Variants in SLC26A11 observed in about 807,000 individuals in gnomAD.
SLC26A11 encodes the protein solute carrier family 26 member 11, also known as sodium-independent sulfate anion transporter.
In SLC26A11, 58 loss-of-function variants were observed where a neutral mutation model predicts 62.2. The ratio of observed to expected loss-of-function variants is 0.93; its 90% CI spans 0.76 to 1.16. SLC26A11 has a LOEUF of 1.16. Among genes scored for constraint, SLC26A11 ranks in the 50% most tolerant of loss-of-function variants. The probability of loss-of-function intolerance (pLI) is 0.00; values close to 1 mark genes in which losing one functional copy is unlikely to be tolerated. For missense variants in SLC26A11, 790 were observed against 794.3 expected (o/e 0.99, Z 0.06); for synonymous variants, 411 against 368.9 (o/e 1.11, Z -1.31).
chr17:80,242,207 C>T (rs1029960400), intron 10 of SLC26A11, among the ~76,000 whole-genome samples: 1 of 152,208 alleles, frequency 6.6e-6, no homozygotes, highest in Non-Finnish European at 1.5e-5. Flanking sequence ...GAACTCCCGA[C>T]CTCAGGTGAT....
At chr17:80,249,778 C>T (rs924969521) in intron 16 of SLC26A11, among the ~76,000 whole-genome samples, 3 of 152,026 alleles carry the variant, frequency 2.0e-5, no homozygotes, top group Non-Finnish European at 4.4e-5. Context: ...GGTGTGGTGG[C>T]GAGCGCCTGT....
At position 80,222,738 on chromosome 17, in the gene SLC26A11, C is replaced by T; in HGVS notation, c.318C>T (p.Ala106=). 6.2e-7 allele frequency: 1 copy of T among 1,614,176 alleles called. No individual in the cohort carries two copies. Among genetic ancestry groups the T allele is most frequent in the Non-Finnish European group, 8.5e-7 (1 of 1,180,040 alleles). ...GGGATGTGACTCTGGGCCCCACCGC[C>T]ATTATGTCCCTCCTGGTCTCCTTCT... ...TSRDVTLGPT[A]IMSLLVSFYT... is the part of the protein sequence containing the mutation. The change falls in exon 4 of 18, where the codon GCC becomes GCT. Residue 106 remains alanine (A), a synonymous_variant. Coordinates refer to ENST00000361193, the MANE Select transcript of SLC26A11 (RefSeq NM_001166347.2). This position sits in a 1 kb window ranked among gnomAD's most constrained non-coding sequence, Gnocchi z 4.7.
In SLC26A11 at chr17:80,241,759, G is replaced by A. The variant is rs1455410851; in HGVS notation, c.986-12G>A. Reference sequence around the variant, plus strand: ...TATTACTGACCAGGTCTTTACCGTTGGTTCCCTTTAGCATCTCAGAATAAT... The same window carrying A: ...TATTACTGACCAGGTCTTTACCGTTAGTTCCCTTTAGCATCTCAGAATAAT... On this transcript the variant is annotated splice_polypyrimidine_tract_variant and intron_variant, in intron 9 of 17. Transcript: ENST00000361193. The A allele has an allele frequency of 1.2e-6, 2 of 1,614,062 alleles. No individual in the cohort carries two copies. The highest frequency in any genetic ancestry group is 2.2e-5 in the South Asian group (2 of 91,078).
At chr17:80,238,124 G>C (rs1447553936) in intron 9 of SLC26A11, among the ~76,000 whole-genome samples, 2 of 152,212 alleles carry the variant, frequency 1.3e-5, no homozygotes, top group Non-Finnish European at 2.9e-5. Flanking sequence ...TTGGGAGGCT[G>C]AGACGGGAGG....
chr17:80,225,240 C>T (rs1282706309), intron 5 of SLC26A11, among the ~76,000 whole-genome samples: 2 of 152,218 alleles, frequency 1.3e-5, no homozygotes, highest in African/African-American at 2.4e-5. Flanking sequence ...GTGCCTTCTC[C>T]TGCCCAGGAC....
At chr17:80,227,755 T>G (rs6565652) in intron 6 of SLC26A11, 63 bp from the exon 7 acceptor site, 1 of 1,565,468 alleles carries the variant, frequency 6.4e-7, no homozygotes, top group Non-Finnish European at 8.7e-7. Context: ...AGCAGCAGGA[T>G]GCTTGAGTCA....
chr17:80,240,163 G>C (rs904877029), intron 9 of SLC26A11, among the ~76,000 whole-genome samples: 1 of 151,976 alleles, frequency 6.6e-6, no homozygotes, highest in African/African-American at 2.4e-5. Context: ...GTCAGGAGAT[G>C]GAGACCATCC....
At position 80,220,492 on chromosome 17, in the gene SLC26A11, A is replaced by T; in HGVS notation, c.-218A>T. 9 of 487,910 alleles carry T rather than the reference A, an allele frequency of 1.8e-5. No homozygotes were observed. Among genetic ancestry groups the T allele is most frequent in the Non-Finnish European group, 2.0e-5 (6 of 297,526 alleles). The allele number at this position is 487,910 out of a possible 1,614,324, so 30.2% of individuals were successfully genotyped here. On this transcript the variant is annotated 5_prime_UTR_variant, in exon 1 of 18. Coordinates refer to ENST00000361193, the MANE Select transcript of SLC26A11 (RefSeq NM_001166347.2). ...CAGGAGACCCCAAGCTGCATCGCCG[A>T]GTGGGTGAGTCCGTGGCCCGCGAGG...
Position 80,237,606 on chromosome 17 carries a change from G to C in SLC26A11, c.985+12G>C. The C allele has an allele frequency of 6.2e-7, 1 of 1,608,942 alleles. No homozygotes were observed. Among genetic ancestry groups the C allele is most frequent in the Non-Finnish European group, 8.5e-7 (1 of 1,177,884 alleles). ...GGCCAAAGCCTTCGGTAAGACGCCT[G>C]TCACCCACACCCCAGGTCTCCCAGT... On this transcript the variant is annotated intron_variant, in intron 9 of 17. Transcript: ENST00000361193.
At chr17:80,226,238 C>T (rs1006303054) in intron 6 of SLC26A11, among the ~76,000 whole-genome samples, 1 of 152,122 alleles carries the variant, frequency 6.6e-6, no homozygotes, top group Admixed American at 6.5e-5. Context: ...TGGGGAGAGT[C>T]TGTGTAAAGA....
chr17:80,236,971 C>T lies in SLC26A11; in HGVS notation c.780C>T (p.Tyr260=). ...LVVSFAALVA[Y]SFEVTGYQPF... ...TCTCCTTCGCAGCCCTGGTTGCGTA[C>T]TCCTTCGAGGTGACTGGATACCAGC... The change falls in exon 8 of 18, where the codon TAC becomes TAT. Residue 260 remains tyrosine (Y), a synonymous_variant. Transcript: ENST00000361193. 1 of 1,614,042 alleles carries T rather than the reference C, an allele frequency of 6.2e-7. No homozygotes were observed. Among genetic ancestry groups the T allele is most frequent in the Middle Eastern group, 1.7e-4 (1 of 6,058 alleles).
intron 16 of SLC26A11, 134 bp from the exon 17 acceptor site, chr17:80,251,195 T>C: frequency 6.4e-7 from 1 of 1,566,814 alleles, no homozygotes; most frequent in East Asian, 2.3e-5. Context: ...GCTGCGTTTC[T>C]TCTCACCATT....
At position 80,222,375 on chromosome 17, in the gene SLC26A11, C is replaced by CAA. The variant is rs61009710; in HGVS notation, c.235-266_235-265dup. 0.029 allele frequency: 7,093 copies of CAA among 243,808 alleles called. 139 individuals carry two copies. Among genetic ancestry groups the CAA allele is most frequent in the African/African-American group, 0.09 (3,359 of 37,378 alleles). 15.1% of individuals were successfully genotyped at this position (243,808 alleles called of 1,614,324 possible). On this transcript the variant is annotated intron_variant, in intron 3 of 17. Coordinates refer to ENST00000361193, the MANE Select transcript of SLC26A11 (RefSeq NM_001166347.2). This position sits in a 1 kb window ranked among gnomAD's most constrained non-coding sequence, Gnocchi z 4.7. ...TGGGCGACAGAGCGAGACTCCATCTCAAAAAAAAAAAAAAAGAATGCTTCC... is the reference window on the plus strand; with the variant it reads ...TGGGCGACAGAGCGAGACTCCATCTCAAAAAAAAAAAAAAAAAGAATGCTTCC...
chr17:80,244,261 G>A (rs1353095726), intron 10 of SLC26A11, among the ~76,000 whole-genome samples: 3 of 152,210 alleles, frequency 2.0e-5, no homozygotes, highest in Admixed American at 6.5e-5. Context: ...TTGGGCCCCA[G>A]CAATGCTGTG....
chr17:80,226,358 G>T (rs991458516), intron 6 of SLC26A11, among the ~76,000 whole-genome samples: 2 of 152,146 alleles, frequency 1.3e-5, no homozygotes, highest in Non-Finnish European at 2.9e-5. Flanking sequence ...GGCAGGTGGA[G>T]CTGTGATGAG....
chr17:80,245,614 C>T (rs1479598431), intron 11 of SLC26A11, among the ~76,000 whole-genome samples: 2 of 152,204 alleles, frequency 1.3e-5, no homozygotes, highest in South Asian at 2.1e-4. Flanking sequence ...GAGACCCTGT[C>T]TCTAAAATAA....
intron 5 of SLC26A11, among the ~76,000 whole-genome samples, chr17:80,224,246 G>T (rs1567943536): frequency 7.1e-6 from 1 of 140,440 alleles, no homozygotes; most frequent in African/African-American, 2.6e-5. Flanking sequence ...TGGGTTTGAG[G>T]GAGTGTGTGA....
Position 80,227,958 on chromosome 17 carries a change from C to G in SLC26A11, c.734C>G (p.Thr245Arg). 6.3e-7 allele frequency: 1 copy of G among 1,599,808 alleles called. No individual in the cohort carries two copies. The highest frequency in any genetic ancestry group is 1.7e-5 in the Admixed American group (1 of 59,962). Reference protein sequence around the residue: ...LSRGLVWAATTARNALVVSFA... With the variant: ...LSRGLVWAATRARNALVVSFA... ...CGTGGGCTGGTCTGGGCTGCCACGACAGGTGAGGGGCCTCTGGCTGACATC... is the reference window on the plus strand; with the variant it reads ...CGTGGGCTGGTCTGGGCTGCCACGAGAGGTGAGGGGCCTCTGGCTGACATC... Residue 245 changes from threonine (T) to arginine (R), a missense_variant and splice_region_variant, in exon 7 of 18, where the codon ACA (threonine) becomes AGA (arginine). Physicochemically the swap from Thr to Arg is moderately conservative, Grantham distance 71. Transcript: ENST00000361193.
chr17:80,237,563 C>T lies in SLC26A11; in HGVS notation c.954C>T (p.Leu318=). 1 of 1,612,330 alleles carries T rather than the reference C, an allele frequency of 6.2e-7. No homozygotes were observed. Among genetic ancestry groups the T allele is most frequent in the South Asian group, 1.1e-5 (1 of 90,324 alleles). Residue 318 remains leucine (L), a synonymous_variant, in exon 9 of 18, where the codon CTC becomes CTT. Transcript: ENST00000361193. Reference sequence around the variant, plus strand: ...TGGCCGTGGTGCCCCTGATGGGCCTCCTGGAGAGCATTGCGGTGGCCAAAG... The same window carrying T: ...TGGCCGTGGTGCCCCTGATGGGCCTTCTGGAGAGCATTGCGGTGGCCAAAG... The part of the protein sequence containing the change: ...AGLAVVPLMG[L]LESIAVAKAF...
Sources: gnomAD v4.1 joint callset for allele counts (sites outside exome capture counted in the v4.1 genomes callset) on GRCh38, gnomAD v4.1.1 for gene constraint, Gnocchi (gnomAD v3.1) non-coding constraint, MANE v1.5 for transcripts, NCBI Gene and HGNC (gene_info 2026-07-23, HGNC 2026-07-21) for gene names.